The following ADCK1 variants were observed in gnomAD, a reference collection of about 807,000 sequenced individuals.
The protein encoded by ADCK1 is aarF domain containing kinase 1, also known as aarF domain-containing protein kinase 1.
In ADCK1, 41 loss-of-function variants were observed where a neutral mutation model predicts 52.3. The observed-to-expected ratio is 0.78, with a 90% confidence interval of 0.61 to 1.02. The LOEUF is 1.02. ADCK1 is among the 50% of genes least tolerant of loss of function. The pLI, the probability that ADCK1 is intolerant of heterozygous loss-of-function variation, is 0.00. For missense variants in ADCK1, 658 were observed against 679.5 expected, an observed-to-expected ratio of 0.97 and a Z score of 0.35; for synonymous variants, 250 against 274.6, an observed-to-expected ratio of 0.91 and a Z score of 0.89.
rs527941777 is a variant in ADCK1 at position 77,895,150 on chromosome 14, C to T, written c.583-3950C>T. On this transcript the variant is annotated intron_variant, in intron 5 of 10. Coordinates refer to ENST00000238561, the MANE Select transcript of ADCK1 (RefSeq NM_020421.4). Reference sequence around the variant, plus strand: ...TTTTTCCTCCTGCAAGCCAATGACCCGATAGGAAGATAGTCTTATTATTTT... The same window carrying T: ...TTTTTCCTCCTGCAAGCCAATGACCTGATAGGAAGATAGTCTTATTATTTT... Among the ~76,000 whole-genome samples the T allele has an allele frequency of 4.6e-5, 7 of 152,234 alleles. No homozygotes were observed. In the East Asian group the frequency reaches 1.2e-3, roughly 25 times the overall value.
intron 1 of ADCK1, among the ~76,000 whole-genome samples, chr14:77,818,285 T>A (rs1383589237): frequency 6.6e-6 from 1 of 151,786 alleles, no homozygotes; most frequent in Non-Finnish European, 1.5e-5. Context: ...CCCTTAGCCC[T>A]CTCTGCTTTT....
At chr14:77,813,175 T>C (rs2081370912) in intron 1 of ADCK1, among the ~76,000 whole-genome samples, 1 of 151,770 alleles carries the variant, frequency 6.6e-6, no homozygotes, top group South Asian at 2.1e-4. Flanking sequence ...GCTAATTTTG[T>C]ATTTTTACTA....
At chr14:77,808,541 C>T (rs977137366) in intron 1 of ADCK1, among the ~76,000 whole-genome samples, 1 of 152,132 alleles carries the variant, frequency 6.6e-6, no homozygotes, top group Non-Finnish European at 1.5e-5. Context: ...GATGCCAAGG[C>T]AACATAAAAT....
At chr14:77,821,204 T>C (rs1033119253) in intron 2 of ADCK1, 1 of 151,980 alleles carries the variant, frequency 6.6e-6, no homozygotes, top group Non-Finnish European at 1.5e-5. Context: ...GAGGCAGATA[T>C]GGATCAGGAA....
chr14:77,836,991 T>C (rs2140078014), intron 3 of ADCK1, among the ~76,000 whole-genome samples: 1 of 152,056 alleles, frequency 6.6e-6, no homozygotes, highest in East Asian at 1.9e-4. Context: ...GGTTTCACCA[T>C]GTTGGTCAGG....
rs768606266 is a variant in ADCK1, at chr14:77,907,832, G to A, written c.771G>A (p.Thr257=). 2.6e-5 allele frequency: 42 copies of A among 1,613,930 alleles called. No individual in the cohort carries two copies. The East Asian group carries it at 3.8e-4, about 15-fold the overall frequency. The part of the protein sequence containing the change: ...KVPRIHWDLS[T]ERVLLMEFVD... ...CCCGAATCCACTGGGACCTGTCCAC[G>A]GAGCGGGTCCTCCTGATGGAGTTTG... The change falls in exon 7 of 11, where the codon ACG becomes ACA. Residue 257 remains threonine, a synonymous_variant. Transcript: ENST00000238561.
chr14:77,880,503 G>A (rs1264780634), intron 4 of ADCK1, among the ~76,000 whole-genome samples: 3 of 152,206 alleles, frequency 2.0e-5, no homozygotes, highest in Admixed American at 1.3e-4. Context: ...AGCTGTTATT[G>A]CCATTATTAT....
chr14:77,903,442 C>T (rs2140247610), intron 6 of ADCK1, among the ~76,000 whole-genome samples: 1 of 152,362 alleles, frequency 6.6e-6, no homozygotes, highest in South Asian at 2.1e-4. Flanking sequence ...CAGCCCTGTG[C>T]TATAAATCTC....
chr14:77,810,719 G>A (rs1483462234), intron 1 of ADCK1, among the ~76,000 whole-genome samples: 1 of 151,940 alleles, frequency 6.6e-6, no homozygotes, highest in African/African-American at 2.4e-5. Flanking sequence ...TTTTAGTAGA[G>A]ACGGGGTTTC....
intron 9 of ADCK1, among the ~76,000 whole-genome samples, chr14:77,931,262 ATGTATACTG>A (rs1216729395): frequency 6.6e-6 from 1 of 152,200 alleles, no homozygotes; most frequent in Non-Finnish European, 1.5e-5. Context: ...GTCTCTCGCA[ATGTATACTG>A]TGTCACATCC....
At chr14:77,927,910 C>T (rs563447817) in intron 9 of ADCK1, among the ~76,000 whole-genome samples, 1 of 152,248 alleles carries the variant, frequency 6.6e-6, no homozygotes, top group South Asian at 2.1e-4. Context: ...AAAACAAAGC[C>T]CTTCGTAGGC....
At chr14:77,921,326 C>CAAAATAAAAAA (rs2084048490) in intron 7 of ADCK1, among the ~76,000 whole-genome samples, 1 of 41,208 alleles carries the variant, frequency 2.4e-5, no homozygotes, top group Non-Finnish European at 4.9e-5. Context: ...GACTCTGTCT[C>CAAAATAAAAAA]AAAAAAAAAA....
At chr14:77,888,218 G>A (rs760834812) in intron 5 of ADCK1, among the ~76,000 whole-genome samples, 5 of 152,106 alleles carry the variant, frequency 3.3e-5, no homozygotes, top group Non-Finnish European at 5.9e-5. Context: ...GGACAGCCCC[G>A]CGGGTGTGAG....
At position 77,931,392 on chromosome 14, in the gene ADCK1, C is replaced by T. The variant is rs559822840; in HGVS notation, c.1207-126C>T. On this transcript the variant is annotated intron_variant, in intron 9 of 10. Transcript: ENST00000238561. ...AGTGCTCCTAGCAGTGCCAAGACAGCGGTGCCTGAAGCTCCCTCCTGGGGC... is the reference window on the plus strand; with the variant it reads ...AGTGCTCCTAGCAGTGCCAAGACAGTGGTGCCTGAAGCTCCCTCCTGGGGC... 842 of 920,630 alleles carry T rather than the reference C, an allele frequency of 9.1e-4. 15 individuals carry two copies. The highest frequency in any genetic ancestry group is 8.0e-3 in the South Asian group (486 of 61,030). 57.0% of individuals were successfully genotyped at this position (920,630 alleles called of 1,614,324 possible).
At chr14:77,841,674 C>CAAAAAAAAA (rs71128696) in intron 3 of ADCK1, among the ~76,000 whole-genome samples, 153 of 74,044 alleles carry the variant, frequency 2.1e-3, no homozygotes, top group East Asian at 3.2e-3. Flanking sequence ...ACTAAAAATA[C>CAAAAAAAAA]AAAAAAAAAA....
At chr14:77,818,642 T>C (rs1335983532) in intron 1 of ADCK1, among the ~76,000 whole-genome samples, 1 of 152,194 alleles carries the variant, frequency 6.6e-6, no homozygotes, top group Non-Finnish European at 1.5e-5. Flanking sequence ...GATCTATCTG[T>C]GTAAGCTCCA....
At chr14:77,877,750 G>A (rs2082932204) in intron 4 of ADCK1, among the ~76,000 whole-genome samples, 1 of 152,198 alleles carries the variant, frequency 6.6e-6, no homozygotes, top group African/African-American at 2.4e-5. Flanking sequence ...GACTACAGGT[G>A]TGTGCCACGA....
In ADCK1 at chr14:77,862,003, T is replaced by A. The variant is rs191804617; in HGVS notation, c.423+2724T>A. ...GGCAGGGAGTGCGCTGGGGCCACAT[T>A]GCTAAGGGAGGGCTGGTGACAAGCA... On this transcript the variant is annotated intron_variant, in intron 4 of 10. Transcript: ENST00000238561. Among the ~76,000 whole-genome samples, 5 of 152,312 alleles carry A rather than the reference T, an allele frequency of 3.3e-5. No homozygotes were observed. In the East Asian group the frequency reaches 9.7e-4, roughly 29 times the overall value.
At chr14:77,933,062 G>A (rs749317508) in intron 10 of ADCK1, among the ~76,000 whole-genome samples, 158 bp from the exon 11 acceptor site, 6 of 152,192 alleles carry the variant, frequency 3.9e-5, no homozygotes, top group Non-Finnish European at 7.3e-5. Flanking sequence ...TCCCGATTGG[G>A]TAGTGGTATA....
Sources: gnomAD v4.1 joint callset for allele counts (sites outside exome capture counted in the v4.1 genomes callset) on GRCh38, gnomAD v4.1.1 for gene constraint, MANE v1.5 for transcripts, NCBI Gene and HGNC (gene_info 2026-07-23, HGNC 2026-07-21) for gene names.